SMYD3: variants seen among roughly 807,000 people sequenced by gnomAD.
The protein encoded by SMYD3 is SET and MYND domain containing 3.
In SMYD3, 36 loss-of-function variants were observed where a neutral mutation model predicts 57.7. That is an observed-to-expected ratio of 0.62 (90% CI 0.48 to 0.82). The LOEUF is 0.82. Ranked by LOEUF, SMYD3 falls within the 40% of genes least tolerant of loss-of-function variation. The pLI is 0.00. For missense variants in SMYD3, 515 were observed against 538.8 expected (o/e 0.96, Z 0.44); for synonymous variants, 211 against 195.0 (o/e 1.08, Z -0.68).
chr1:246,078,040 G>T (rs2147821815), intron 5 of SMYD3, among the ~76,000 whole-genome samples: 1 of 152,018 alleles, frequency 6.6e-6, no homozygotes, highest in Middle Eastern at 3.4e-3. Context: ...ACAAGCAGAA[G>T]ATATACACAC....
At chr1:245,809,035 G>A (rs1478724313) in intron 10 of SMYD3, among the ~76,000 whole-genome samples, 3 of 152,174 alleles carry the variant, frequency 2.0e-5, no homozygotes, top group Non-Finnish European at 2.9e-5. Flanking sequence ...GATTACAGGC[G>A]TGAGCCACTG....
chr1:245,882,185 C>G (rs1275588824), intron 8 of SMYD3, among the ~76,000 whole-genome samples: 1 of 152,168 alleles, frequency 6.6e-6, no homozygotes, highest in Non-Finnish European at 1.5e-5. Context: ...CAGGATTATA[C>G]ATGTTGCTGG....
chr1:245,873,732 C>G (rs1465224415), intron 8 of SMYD3, among the ~76,000 whole-genome samples: 1 of 152,166 alleles, frequency 6.6e-6, no homozygotes, highest in African/African-American at 2.4e-5. Context: ...ATAGGATAAC[C>G]TAGATGTGGC....
At chr1:245,776,019 A>G (rs2046574137) in intron 10 of SMYD3, among the ~76,000 whole-genome samples, 1 of 152,202 alleles carries the variant, frequency 6.6e-6, no homozygotes, top group Non-Finnish European at 1.5e-5. Flanking sequence ...ATTAAAATAC[A>G]CAACAATTAT....
At position 246,335,417 on chromosome 1, in the gene SMYD3, T is replaced by A; in HGVS notation, c.286A>T (p.Arg96Ter). ...AGTCGAACGGAGTCTGGAGGATATC[T>A]GGGTTTGCAGCTTTTAAGGCATTTG... The part of the protein sequence containing the change: ...ECKCLKSCKP[R>*]YPPDSVRLLG... The change falls in exon 3 of 12, where the codon AGA becomes TGA. Residue 96 changes from arginine to a stop codon, truncating the protein, a stop_gained. Coordinates refer to ENST00000490107, the MANE Select transcript of SMYD3 (RefSeq NM_001167740.2). LOFTEE classifies it high-confidence loss of function. 6.2e-7 allele frequency: 1 copy of A among 1,614,200 alleles called. No homozygotes were observed. Among genetic ancestry groups the A allele is most frequent in the Middle Eastern group, 1.6e-4 (1 of 6,062 alleles).
In SMYD3 at chr1:245,786,711, TA is replaced by T. The variant is rs772440660; in HGVS notation, c.1077-22563del. Among the ~76,000 whole-genome samples, 680 of 135,938 alleles carry T rather than the reference TA, an allele frequency of 5.0e-3. 1 individual carries two copies. The highest frequency in any genetic ancestry group is 7.4e-3 in the Middle Eastern group (2 of 272). The allele number at this position is 135,938 out of a possible 152,430, so 89.2% of individuals were successfully genotyped here. ...CACACGTGAAGCCTAATTCATCCCT[TA>T]AAAAAAAAAAAAAAGTGTTAGAAAA... is the stretch of plus-strand genomic sequence containing the variant. On this transcript the variant is annotated intron_variant, in intron 10 of 11. Coordinates refer to ENST00000490107, the MANE Select transcript of SMYD3 (RefSeq NM_001167740.2).
intron 5 of SMYD3, among the ~76,000 whole-genome samples, chr1:246,194,073 C>G (rs1354867578): frequency 3.9e-5 from 6 of 152,100 alleles, no homozygotes; most frequent in Non-Finnish European, 8.8e-5. Flanking sequence ...AACTGCAGCT[C>G]TAAAGGTTCC....
rs2062792470 is a variant in SMYD3 at position 246,194,270 on chromosome 1, T to C, written c.531+132931A>G. 2.0e-5 allele frequency among the ~76,000 whole-genome samples: 3 copies of C among 149,110 alleles called. 1 individual carries two copies. The highest frequency in any genetic ancestry group is 7.5e-5 in the African/African-American group (3 of 39,748). On this transcript the variant is annotated intron_variant, in intron 5 of 11. Coordinates refer to ENST00000490107, the MANE Select transcript of SMYD3 (RefSeq NM_001167740.2). ...ATACTACAGTTCTTGTGGGGTTTTTTTGTTTTTTTTTTTTTGACATGGAGG... is the reference window on the plus strand; with the variant it reads ...ATACTACAGTTCTTGTGGGGTTTTTCTGTTTTTTTTTTTTTGACATGGAGG...
chr1:246,426,086 A>G (rs1277255299), intron 1 of SMYD3: 1 of 152,204 alleles, frequency 6.6e-6, no homozygotes, highest in Non-Finnish European at 1.5e-5. Context: ...TGAAAAGTCA[A>G]TTGAGATAAC....
chr1:245,948,918 T>C (rs960020993), intron 5 of SMYD3, among the ~76,000 whole-genome samples: 4 of 152,180 alleles, frequency 2.6e-5, no homozygotes, highest in African/African-American at 9.6e-5. Flanking sequence ...GGCCTGGGGA[T>C]TGCCCTACCC....
chr1:246,339,527 G>A (rs556542233), intron 2 of SMYD3, among the ~76,000 whole-genome samples: 1 of 145,374 alleles, frequency 6.9e-6, no homozygotes, highest in South Asian at 2.1e-4. Flanking sequence ...GAGAAGCCCA[G>A]ATCTAAAAAA....
intron 5 of SMYD3, among the ~76,000 whole-genome samples, chr1:246,146,416 G>C (rs1375659408): frequency 6.6e-6 from 1 of 152,190 alleles, no homozygotes; most frequent in African/African-American, 2.4e-5. Flanking sequence ...ACCTGCACAT[G>C]TGAGTTAACG....
intron 8 of SMYD3, among the ~76,000 whole-genome samples, chr1:245,890,354 G>GAT (rs1359378257): frequency 6.6e-6 from 1 of 151,970 alleles, no homozygotes; most frequent in African/African-American, 2.4e-5. Flanking sequence ...CAATAACTAG[G>GAT]ATATATATAA....
intron 5 of SMYD3, among the ~76,000 whole-genome samples, chr1:246,253,776 G>A (rs1190750646): frequency 6.6e-6 from 1 of 152,182 alleles, no homozygotes; most frequent in Admixed American, 6.5e-5. Context: ...TTGGTGCATA[G>A]AAACGCTATT....
intron 10 of SMYD3, among the ~76,000 whole-genome samples, chr1:245,796,531 T>C (rs1477250799): frequency 6.6e-6 from 1 of 152,196 alleles, no homozygotes; most frequent in Non-Finnish European, 1.5e-5. Context: ...ATGAATGGGC[T>C]AGCATTTCCC....
rs538220674 is a variant in SMYD3, at chr1:246,101,064, G to GTTTT, written c.532-171131_532-171128dup. On this transcript the variant is annotated intron_variant, in intron 5 of 11. Coordinates refer to ENST00000490107, the MANE Select transcript of SMYD3 (RefSeq NM_001167740.2). ...TCACTAGTAATATGTATTTTTAGGG[G>GTTTT]TTTTTTGTTTTTTTTTTTTTTTTTT... 1.3e-4 allele frequency among the ~76,000 whole-genome samples: 10 copies of GTTTT among 78,590 alleles called. 1 individual carries two copies. Among genetic ancestry groups the GTTTT allele is most frequent in the Non-Finnish European group, 1.8e-4 (6 of 32,612 alleles). 51.6% of individuals were successfully genotyped at this position (78,590 alleles called of 152,430 possible).
intron 1 of SMYD3, among the ~76,000 whole-genome samples, chr1:246,491,264 G>A (rs559660100): frequency 3.2e-4 from 49 of 152,170 alleles, no homozygotes; most frequent in Non-Finnish European, 5.9e-4. Flanking sequence ...TCAGCCGGGC[G>A]CGGTGGATCA....
rs557194455 is a variant in SMYD3 at position 245,875,769 on chromosome 1, C to T, written c.814-11883G>A. Among the ~76,000 whole-genome samples, 6 of 152,306 alleles carry T rather than the reference C, an allele frequency of 3.9e-5. No individual in the cohort carries two copies. The East Asian group carries it at 5.8e-4, about 15-fold the overall frequency. On this transcript the variant is annotated intron_variant, in intron 8 of 11. Transcript: ENST00000490107. ...TCATTGTGGGCCAAAATTACACAGC[C>T]CTAGCTGTTTGCCTTTACCATTTCT...
At position 246,499,248 on chromosome 1, in the gene SMYD3, G is replaced by A. The variant is rs144016499; in HGVS notation, c.164+7806C>T. 9.0e-4 allele frequency among the ~76,000 whole-genome samples: 136 copies of A among 151,848 alleles called. 2 individuals are homozygous for A. The East Asian group carries it at 0.017, about 19-fold the overall frequency. On this transcript the variant is annotated intron_variant, in intron 1 of 11. Transcript: ENST00000490107. ...GAACCCAGGAGGCAGAGGTTGCAGT[G>A]AGCCGAGATTGTACCACTGCACTCC...
Sources: allele counts gnomAD v4.1 joint callset (sites outside exome capture counted in the v4.1 genomes callset), GRCh38; gene constraint gnomAD v4.1.1; transcripts MANE v1.5; gene names NCBI Gene and HGNC (gene_info 2026-07-23, HGNC 2026-07-21).